SDK1: variants seen among roughly 807,000 people sequenced by gnomAD.
SDK1 encodes sidekick cell adhesion molecule 1.
Under a neutral mutation model 245.5 loss-of-function variants are expected in SDK1, and 157 were observed. The observed-to-expected ratio is 0.64, with a 90% CI of 0.56 to 0.73. The LOEUF is 0.73. Ranked by LOEUF, SDK1 falls within the 30% of genes least tolerant of loss-of-function variation. SDK1 has a pLI of 0.00. For synonymous variants in SDK1, 1,647 were observed against 1,278.5 expected (o/e 1.29, Z -6.15); for missense variants, 3,583 against 3,002.3 (o/e 1.19, Z -4.52).
Position 4,268,960 on chromosome 7 carries a change from T to C in SDK1, c.*3576T>C. The C allele has an allele frequency of 3.3e-6, 1 of 300,354 alleles. No homozygotes were observed. Among genetic ancestry groups the C allele is most frequent in the Non-Finnish European group, 6.7e-6 (1 of 148,680 alleles). The allele number at this position is 300,354 out of a possible 1,614,324, so 18.6% of individuals were successfully genotyped here. On this transcript the variant is annotated 3_prime_UTR_variant, in exon 45 of 45. Transcript: ENST00000404826. ...CTTGTAGGAAGACAGAGAGGTGCTA[T>C]GGGTACAATTTTTAATAAAAACATT... is the stretch of plus-strand genomic sequence containing the variant.
chr7:4,260,519 G>C (rs1173781854), intron 44 of SDK1, among the ~76,000 whole-genome samples: 1 of 126,802 alleles, frequency 7.9e-6, no homozygotes, highest in Non-Finnish European at 1.7e-5. Context: ...TGGCTGCTCC[G>C]GGGTCTCTGT....
At chr7:3,537,893 G>A (rs1045675848) in intron 1 of SDK1, among the ~76,000 whole-genome samples, 1 of 152,198 alleles carries the variant, frequency 6.6e-6, no homozygotes, top group African/African-American at 2.4e-5. Flanking sequence ...TTTTCAGTGA[G>A]GCATCCTGGT....
chr7:4,245,801 C>G lies in SDK1; in HGVS notation c.6377C>G (p.Ser2126Cys). The G allele has an allele frequency of 6.2e-7, 1 of 1,613,868 alleles. No individual in the cohort carries two copies. The highest frequency in any genetic ancestry group is 1.1e-5 in the South Asian group (1 of 91,050). Reference sequence around the variant, plus strand: ...GAGAAGTCGGCAGATGCATCAGAATCTGAGGTCAGTGTCGGTGCCTACTTC... The same window carrying G: ...GAGAAGTCGGCAGATGCATCAGAATGTGAGGTCAGTGTCGGTGCCTACTTC... The part of the protein sequence containing the change: ...LKEKSADASE[S>C]EATDSDYEDA... Residue 2126 changes from serine to cysteine, a missense_variant, in exon 44 of 45, where the codon TCT (serine) becomes TGT (cysteine). Ser to Cys is a moderately radical substitution (Grantham distance 112). Coordinates refer to ENST00000404826, the MANE Select transcript of SDK1 (RefSeq NM_152744.4).
At chr7:3,565,574 G>C (rs1485687608) in intron 1 of SDK1, among the ~76,000 whole-genome samples, 7 of 152,154 alleles carry the variant, frequency 4.6e-5, no homozygotes, top group Non-Finnish European at 1.0e-4. Context: ...AGAGTACAAT[G>C]ACATTACTGT....
At chr7:3,660,455 TAGG>T (rs780855634) in intron 4 of SDK1, among the ~76,000 whole-genome samples, 1 of 149,886 alleles carries the variant, frequency 6.7e-6, no homozygotes, top group Admixed American at 6.7e-5. Flanking sequence ...AATGGGGAAA[TAGG>T]AGGGAGACAG....
intron 1 of SDK1, among the ~76,000 whole-genome samples, chr7:3,536,973 C>T (rs1778907127): frequency 6.6e-6 from 1 of 151,718 alleles, no homozygotes; most frequent in Admixed American, 6.6e-5. Context: ...TTTTTTTCTT[C>T]AATCTCTCTA....
intron 4 of SDK1, among the ~76,000 whole-genome samples, chr7:3,707,720 C>T (rs987653880): frequency 6.6e-6 from 1 of 152,180 alleles, no homozygotes; most frequent in Admixed American, 6.5e-5. Flanking sequence ...TTTCATGAAT[C>T]TGTGAGCTCT....
In SDK1 at chr7:3,557,329, A is replaced by G. The variant is rs73296264; in HGVS notation, c.299-61751A>G. Reference sequence around the variant, plus strand: ...CAAGATTACACTCACACATTTTCCAACTAAGAAGAAATGAGGTCAGTTTGT... The same window carrying G: ...CAAGATTACACTCACACATTTTCCAGCTAAGAAGAAATGAGGTCAGTTTGT... On this transcript the variant is annotated intron_variant, in intron 1 of 44. Coordinates refer to ENST00000404826, the MANE Select transcript of SDK1 (RefSeq NM_152744.4). Among the ~76,000 whole-genome samples, 1,147 of 152,342 alleles carry G rather than the reference A, an allele frequency of 7.5e-3. 15 individuals are homozygous for G. Among genetic ancestry groups the G allele is most frequent in the African/African-American group, 0.026 (1,072 of 41,578 alleles).
chr7:3,474,830 A>G lies in SDK1; in HGVS notation c.299-144250A>G, dbSNP rs534736301. ...CACAACCTCTTCAATGGTGGGGACT[A>G]TATAGGTGTGCACCATCATACCTGG... On this transcript the variant is annotated intron_variant, in intron 1 of 44. Transcript: ENST00000404826. Among the ~76,000 whole-genome samples the G allele has an allele frequency of 5.9e-5, 9 of 152,278 alleles. No individual in the cohort carries two copies. In the East Asian group the frequency reaches 1.2e-3, roughly 20 times the overall value.
At chr7:3,521,002 G>C (rs1782919734) in intron 1 of SDK1, among the ~76,000 whole-genome samples, 1 of 152,178 alleles carries the variant, frequency 6.6e-6, no homozygotes, top group Non-Finnish European at 1.5e-5. Context: ...CAAGGTGCTG[G>C]TAGGGCTGTC....
chr7:4,183,467 C>G (rs1782706190), intron 35 of SDK1, among the ~76,000 whole-genome samples: 2 of 152,030 alleles, frequency 1.3e-5, no homozygotes, highest in Middle Eastern at 6.8e-3. Context: ...AACCCCATCT[C>G]TACTAAAAAT....
chr7:3,439,834 C>T (rs1171903548), intron 1 of SDK1, among the ~76,000 whole-genome samples: 2 of 152,186 alleles, frequency 1.3e-5, no homozygotes, highest in South Asian at 2.1e-4. Context: ...CCTTGAAGAC[C>T]TCCTTGCTTA....
rs112934116 is a variant in SDK1, at chr7:3,766,235, A to G, written c.714-55215A>G. Among the ~76,000 whole-genome samples the G allele has an allele frequency of 6.8e-3, 1,031 of 152,308 alleles. 16 individuals are homozygous for G. The highest frequency in any genetic ancestry group is 0.023 in the African/African-American group (958 of 41,564). On this transcript the variant is annotated intron_variant, in intron 4 of 44. Coordinates refer to ENST00000404826, the MANE Select transcript of SDK1 (RefSeq NM_152744.4). Reference sequence around the variant, plus strand: ...TCTCATTTGCATTAGTTAATATTAAATAAGTAAAGTAGTTGTCCATTTTTC... The same window carrying G: ...TCTCATTTGCATTAGTTAATATTAAGTAAGTAAAGTAGTTGTCCATTTTTC...
At chr7:3,882,633 A>G (rs1781235084) in intron 5 of SDK1, among the ~76,000 whole-genome samples, 1 of 152,180 alleles carries the variant, frequency 6.6e-6, no homozygotes, top group Non-Finnish European at 1.5e-5. Context: ...TAGAATGTAA[A>G]TAGCATTGTT....
rs115207420 is a variant in SDK1, at chr7:3,790,935, A to G, written c.714-30515A>G. On this transcript the variant is annotated intron_variant, in intron 4 of 44. Transcript: ENST00000404826. ...TGTAGAAATTAACTTGACAGTAATC[A>G]AAGAGGTAGCCACCCTGCTTGGTTT... Among the ~76,000 whole-genome samples the G allele has an allele frequency of 4.3e-3, 650 of 152,210 alleles. 7 individuals carry two copies. The highest frequency in any genetic ancestry group is 0.015 in the African/African-American group (631 of 41,526).
At chr7:3,361,770 C>T (rs1780959616) in intron 1 of SDK1, among the ~76,000 whole-genome samples, 1 of 152,138 alleles carries the variant, frequency 6.6e-6, no homozygotes, top group Admixed American at 6.5e-5. Context: ...TTGTTCCATG[C>T]ACAGTATTGG....
chr7:4,020,955 C>T (rs774332344), intron 17 of SDK1, among the ~76,000 whole-genome samples: 2 of 152,166 alleles, frequency 1.3e-5, no homozygotes, highest in African/African-American at 2.4e-5. Context: ...TGTCTGTATT[C>T]GTTTTTCCAC....
At chr7:4,027,420 C>G (rs1341872714) in intron 17 of SDK1, among the ~76,000 whole-genome samples, 2 of 152,192 alleles carry the variant, frequency 1.3e-5, no homozygotes, top group Non-Finnish European at 2.9e-5. Context: ...GGGGTTTGCA[C>G]AGTCCCGTAG....
intron 4 of SDK1, among the ~76,000 whole-genome samples, chr7:3,675,288 T>C (rs1362556351): frequency 1.3e-5 from 2 of 152,230 alleles, no homozygotes; most frequent in Non-Finnish European, 2.9e-5. Flanking sequence ...AACATTTAGC[T>C]GTTTTCACTG....
Sources: allele counts gnomAD v4.1 joint callset (sites outside exome capture counted in the v4.1 genomes callset), GRCh38; gene constraint gnomAD v4.1.1; transcripts MANE v1.5; gene names NCBI Gene and HGNC (gene_info 2026-07-23, HGNC 2026-07-21).